The following SH3GLB1 variants were observed in gnomAD, a reference collection of about 807,000 sequenced individuals.
SH3GLB1 encodes the protein endophilin-B1.
Under a neutral mutation model 42.0 loss-of-function variants are expected in SH3GLB1, and 17 were observed. The ratio of observed to expected loss-of-function variants is 0.40; its 90% CI spans 0.28 to 0.61. The LOEUF is 0.61. Ranked by LOEUF, SH3GLB1 falls within the 20% of genes least tolerant of loss-of-function variation. The pLI, the probability that SH3GLB1 is intolerant of heterozygous loss-of-function variation, is 0.36. For synonymous variants in SH3GLB1, 132 were observed against 146.6 expected, an observed-to-expected ratio of 0.90 and a Z score of 0.72; for missense variants, 355 against 426.3, an observed-to-expected ratio of 0.83 and a Z score of 1.47.
chr1:86,743,083 TA>T lies in SH3GLB1; in HGVS notation c.991-44del, dbSNP rs750612413. ...AAATCTGATTGGTTTTCTACTTGTT[TA>T]TTTTTTTAATGTAGTTAATAACTGG... On this transcript the variant is annotated intron_variant, in intron 8 of 8. Transcript: ENST00000370558. 4.7e-5 allele frequency: 68 copies of T among 1,459,152 alleles called. No homozygotes were observed. The African/African-American group carries it at 7.3e-4, about 16-fold the overall frequency. 90.4% of individuals were successfully genotyped at this position (1,459,152 alleles called of 1,614,324 possible). A position where few individuals can be genotyped will look rare whatever the true frequency, so the allele number is the denominator to read the frequency against.
chr1:86,718,871 T>C (rs1207227393), intron 2 of SH3GLB1, among the ~76,000 whole-genome samples: 3 of 152,278 alleles, frequency 2.0e-5, no homozygotes, highest in African/African-American at 4.8e-5. Context: ...TTATTTTTAA[T>C]GATGAAATCT....
chr1:86,719,780 G>A (rs904935380), intron 3 of SH3GLB1, 145 bp downstream of exon 3: 12 of 638,082 alleles, frequency 1.9e-5, no homozygotes, highest in Non-Finnish European at 3.0e-5. Flanking sequence ...CGGATCATGA[G>A]GTCAGGAGAT....
At chr1:86,720,795 A>G (rs576270346) in intron 3 of SH3GLB1, among the ~76,000 whole-genome samples, 193 of 152,360 alleles carry the variant, frequency 1.3e-3, no homozygotes, top group African/African-American at 4.4e-3. Context: ...AATAACCTAA[A>G]TATTGTTGAA....
At chr1:86,723,536 A>AT (rs1299672178) in intron 4 of SH3GLB1, among the ~76,000 whole-genome samples, 1 of 152,154 alleles carries the variant, frequency 6.6e-6, no homozygotes, top group African/African-American at 2.4e-5. Context: ...ATAAAATAAA[A>AT]TAAAATAAAA....
intron 5 of SH3GLB1, among the ~76,000 whole-genome samples, chr1:86,731,913 C>T (rs371124284): frequency 1.2e-4 from 19 of 152,156 alleles, no homozygotes; most frequent in African/African-American, 3.6e-4. Context: ...AACCCTGTCT[C>T]TACTAAAAAT....
At chr1:86,715,905 G>A (rs1259326433) in intron 2 of SH3GLB1, 40 bp downstream of exon 2, 5 of 1,564,876 alleles carry the variant, frequency 3.2e-6, no homozygotes, top group Non-Finnish European at 4.3e-6. Context: ...AGTACTATTA[G>A]TGGGTTTTTA....
chr1:86,730,246 G>A, intron 5 of SH3GLB1: 1 of 1,394,344 alleles, frequency 7.2e-7, no homozygotes, highest in South Asian at 1.7e-5. Flanking sequence ...TGAAAATGAG[G>A]GATATGTTCA....
intron 7 of SH3GLB1, among the ~76,000 whole-genome samples, chr1:86,737,996 T>C (rs1225845467): frequency 6.6e-6 from 1 of 152,170 alleles, no homozygotes; most frequent in Non-Finnish European, 1.5e-5. Flanking sequence ...ACTTTGGTCT[T>C]TACTCAGAGA....
rs776538627 is a variant in SH3GLB1, at chr1:86,704,919, A to G, written c.20A>G (p.Asn7Ser). 2.5e-6 allele frequency: 4 copies of G among 1,585,186 alleles called. No homozygotes were observed. Among genetic ancestry groups the G allele is most frequent in the South Asian group, 1.1e-5 (1 of 88,046 alleles). Residue 7 changes from asparagine (N) to serine (S), a missense_variant, in exon 1 of 9, where the codon AAC becomes AGC. Coordinates refer to ENST00000370558, the MANE Select transcript of SH3GLB1 (RefSeq NM_016009.5). ...CCTAGGATGAATATCATGGACTTCAACGTGAAGAAGCTGGCGGCCGACGCA... is the reference window on the plus strand; with the variant it reads ...CCTAGGATGAATATCATGGACTTCAGCGTGAAGAAGCTGGCGGCCGACGCA... Reference protein sequence around the residue: MNIMDFNVKKLAADAGT... With the variant: MNIMDFSVKKLAADAGT...
intron 7 of SH3GLB1, among the ~76,000 whole-genome samples, chr1:86,739,977 T>G (rs904358795): frequency 6.6e-6 from 1 of 151,970 alleles, no homozygotes; most frequent in Non-Finnish European, 1.5e-5. Flanking sequence ...AAACGCTGTC[T>G]CTACAAAAAA....
chr1:86,739,640 G>A lies in SH3GLB1; in HGVS notation c.762-2568G>A, dbSNP rs1655960651. Among the ~76,000 whole-genome samples the A allele has an allele frequency of 2.0e-5, 3 of 152,188 alleles. No homozygotes were observed. In the South Asian group the frequency reaches 6.2e-4, roughly 32 times the overall value. On this transcript the variant is annotated intron_variant, in intron 7 of 8. Transcript: ENST00000370558. ...AATGAGGCAGTAGTCGGAGGAGAAAGTGGGGTCTAGCAATTTTTTGCTTGT... is the reference window on the plus strand; with the variant it reads ...AATGAGGCAGTAGTCGGAGGAGAAAATGGGGTCTAGCAATTTTTTGCTTGT...
At position 86,728,472 on chromosome 1, in the gene SH3GLB1, C is replaced by A. The variant is rs547713587; in HGVS notation, c.570+4067C>A. The A allele has an allele frequency of 1.2e-5, 19 of 1,546,130 alleles. No individual in the cohort carries two copies. In the African/African-American group the frequency reaches 2.6e-4, roughly 21 times the overall value. ...TTTCTCTTACATGCTCAACTTCCTG[C>A]ATGTAAAATGGCTGAAGGTTTGTTG... On this transcript the variant is annotated intron_variant, in intron 5 of 8. Coordinates refer to ENST00000370558, the MANE Select transcript of SH3GLB1 (RefSeq NM_016009.5).
At chr1:86,720,442 G>A (rs1016203911) in intron 3 of SH3GLB1, among the ~76,000 whole-genome samples, 2 of 152,074 alleles carry the variant, frequency 1.3e-5, no homozygotes, top group African/African-American at 4.8e-5. Flanking sequence ...TTTCTCTTAT[G>A]TATTTCAAAT....
chr1:86,711,511 G>A (rs1022714259), intron 1 of SH3GLB1, among the ~76,000 whole-genome samples: 10 of 152,150 alleles, frequency 6.6e-5, no homozygotes, highest in South Asian at 2.1e-4. Flanking sequence ...CTAAGAAGAT[G>A]CTTATTTACA....
chr1:86,705,035 G>A, intron 1 of SH3GLB1, 64 bp downstream of exon 1: 1 of 1,107,868 alleles, frequency 9.0e-7, no homozygotes, highest in Non-Finnish European at 1.3e-6. Flanking sequence ...GGGGACCGCA[G>A]CTCGACGCGG....
Position 86,746,440 on chromosome 1 carries a change from A to G in SH3GLB1, c.*3205A>G, listed in dbSNP as rs1656300431. The stretch of plus-strand genomic sequence containing the variant: ...TGCTGTAATGGAGAGATAGCTTCAT[A>G]GTTTAGCCTATAGCCAACTTTGCCT... On this transcript the variant is annotated 3_prime_UTR_variant, in exon 9 of 9. Transcript: ENST00000370558. 3 of 152,252 alleles carry G rather than the reference A, an allele frequency of 2.0e-5. No individual in the cohort carries two copies. The South Asian group carries it at 6.2e-4, about 31-fold the overall frequency. The allele number at this position is 152,252 out of a possible 1,614,324, so 9.4% of individuals were successfully genotyped here.
chr1:86,733,301 C>T (rs1339678465), intron 5 of SH3GLB1, among the ~76,000 whole-genome samples: 1 of 152,186 alleles, frequency 6.6e-6, no homozygotes, highest in Non-Finnish European at 1.5e-5. Context: ...TGGGCTGTTA[C>T]AGCAACTGAT....
chr1:86,727,201 C>T (rs1428529534), intron 5 of SH3GLB1, among the ~76,000 whole-genome samples: 1 of 151,818 alleles, frequency 6.6e-6, no homozygotes, highest in Non-Finnish European at 1.5e-5. Context: ...TGATTTAGCC[C>T]TATCAGTAAA....
At chr1:86,706,005 C>G (rs1194896782) in intron 1 of SH3GLB1, among the ~76,000 whole-genome samples, 1 of 152,340 alleles carries the variant, frequency 6.6e-6, no homozygotes, top group East Asian at 1.9e-4. Context: ...ATTGCACTAT[C>G]CCTGGCAAAA....
Sources: allele counts gnomAD v4.1 joint callset (sites outside exome capture counted in the v4.1 genomes callset), GRCh38; gene constraint gnomAD v4.1.1; transcripts MANE v1.5; gene names NCBI Gene and HGNC (gene_info 2026-07-23, HGNC 2026-07-21).